Variants in LRP2 observed in about 807,000 individuals in gnomAD.
The protein encoded by LRP2 is low-density lipoprotein receptor-related protein 2.
LRP2 carries 172 observed loss-of-function variants against 531.0 expected under a neutral mutation model. The ratio of observed to expected loss-of-function variants is 0.32; its 90% confidence interval spans 0.29 to 0.37. The LOEUF (loss-of-function observed/expected upper bound fraction) is 0.37, where lower values mean the gene tolerates loss of function less well. LRP2 is among the 10% of genes least tolerant of loss of function. The pLI, the probability that LRP2 is intolerant of heterozygous loss-of-function variation, is 1.00. For missense variants in LRP2, 5,167 were observed against 5,868.3 expected (o/e 0.88, Z 3.90); for synonymous variants, 1,992 against 2,027.6 (o/e 0.98, Z 0.47).
intron 15 of LRP2, among the ~76,000 whole-genome samples, chr2:169,272,369 A>G (rs944667690): frequency 4.6e-5 from 7 of 152,294 alleles, no homozygotes; most frequent in Non-Finnish European, 8.8e-5. Flanking sequence ...TTGAACTGAA[A>G]GGTGAAAAAC....
Position 169,206,584 on chromosome 2 carries a change from C to T in LRP2, c.7136G>A (p.Gly2379Asp), listed in dbSNP as rs754795839. ...TTCTGTTGAAATGGCACAATTCTTG[C>T]CATCACTTTGCAGGGTCCCAAAGGC... ...DCAFGTLQSD[G>D]KNCAISTENF... Residue 2379 changes from glycine (G) to aspartate (D), a missense_variant, in exon 39 of 79, where the codon GGC (glycine) becomes GAC (aspartate). Physicochemically the swap from Gly to Asp is moderately conservative, Grantham distance 94. Around this residue, in one of 6 missense-constraint regions of LRP2, gnomAD observed 2,811 missense variants for 3,058.0 expected, o/e 0.92. Transcript: ENST00000649046. 6.2e-7 allele frequency: 1 copy of T among 1,614,120 alleles called. No individual in the cohort carries two copies. The highest frequency in any genetic ancestry group is 1.7e-5 in the Admixed American group (1 of 60,000).
intron 49 of LRP2, among the ~76,000 whole-genome samples, chr2:169,187,475 T>C (rs529439077): frequency 6.6e-5 from 10 of 152,330 alleles, no homozygotes; most frequent in Admixed American, 3.3e-4. Context: ...CTGCCAATAT[T>C]ATGGAGTTCA....
chr2:169,142,608 T>C (rs569623164), intron 71 of LRP2, 66 bp downstream of exon 71: 41 of 1,606,144 alleles, frequency 2.6e-5, no homozygotes, highest in Admixed American at 8.4e-5. Context: ...CAGGGATTCT[T>C]CTGACTCCTG....
chr2:169,244,952 G>A lies in LRP2; in HGVS notation c.3191-20C>T. 1 of 1,614,024 alleles carries A rather than the reference G, an allele frequency of 6.2e-7. No individual in the cohort carries two copies. Among genetic ancestry groups the A allele is most frequent in the Non-Finnish European group, 8.5e-7 (1 of 1,179,930 alleles). On this transcript the variant is annotated intron_variant, in intron 21 of 78. Transcript: ENST00000649046. The stretch of plus-strand genomic sequence containing the variant: ...TATTATCTACAATAGTAACAAACTG[G>A]TCATGAAGACATTTGTTTTTACAGC...
chr2:169,271,642 CACACACACACACAG>C (rs767685222), intron 15 of LRP2: 2 of 201,208 alleles, frequency 9.9e-6, no homozygotes, highest in Non-Finnish European at 1.4e-5. Context: ...CACACACACA[CACACACACACACAG>C]AAACCTTTCT....
intron 34 of LRP2, among the ~76,000 whole-genome samples, chr2:169,217,425 C>T (rs1480414918): frequency 6.6e-6 from 1 of 152,128 alleles, no homozygotes; most frequent in Non-Finnish European, 1.5e-5. Flanking sequence ...TTAACTTTTC[C>T]TATTAAACTT....
chr2:169,271,784 A>T, intron 15 of LRP2: 1 of 526,942 alleles, frequency 1.9e-6, no homozygotes, highest in Non-Finnish European at 2.4e-6. Flanking sequence ...AGAACCTTAC[A>T]GTAGATACCA....
At chr2:169,230,172 A>G (rs145690128) in intron 31 of LRP2, among the ~76,000 whole-genome samples, 2 of 152,320 alleles carry the variant, frequency 1.3e-5, no homozygotes, top group Non-Finnish European at 2.9e-5. Flanking sequence ...CCAACCCCCA[A>G]TGTGCAATTC....
chr2:169,337,653 T>G, intron 1 of LRP2, among the ~76,000 whole-genome samples: 1 of 152,232 alleles, frequency 6.6e-6, no homozygotes, highest in East Asian at 1.9e-4. Context: ...CTGTTTAAAC[T>G]GAAAGCCCTT....
chr2:169,158,075 C>T (rs1035353246), intron 63 of LRP2, among the ~76,000 whole-genome samples: 7 of 150,756 alleles, frequency 4.6e-5, no homozygotes, highest in African/African-American at 1.7e-4. Flanking sequence ...CACACACACA[C>T]ACACACACAC....
At chr2:169,218,855 C>T (rs547784032) in intron 34 of LRP2, among the ~76,000 whole-genome samples, 2 of 152,308 alleles carry the variant, frequency 1.3e-5, no homozygotes, top group South Asian at 4.1e-4. Flanking sequence ...GATGGCAGAG[C>T]ATCCATCAGC....
chr2:169,153,060 C>A, intron 66 of LRP2, 96 bp from the exon 67 acceptor site: 1 of 1,031,754 alleles, frequency 9.7e-7, no homozygotes, highest in Non-Finnish European at 1.5e-6. Flanking sequence ...CGTTTATTGA[C>A]ATCTCTACCT....
chr2:169,162,735 G>C (rs1057409508), intron 62 of LRP2, 135 bp from the exon 63 acceptor site: 21 of 924,234 alleles, frequency 2.3e-5, no homozygotes, highest in Non-Finnish European at 3.4e-5. Context: ...CTTGCAGCTG[G>C]GTTAGGACCA....
At chr2:169,183,339 A>G (rs1687509489) in intron 50 of LRP2, among the ~76,000 whole-genome samples, 1 of 152,214 alleles carries the variant, frequency 6.6e-6, no homozygotes, top group Non-Finnish European at 1.5e-5. Context: ...ACTTGGGTAA[A>G]TGAGTAAATC....
At position 169,246,979 on chromosome 2, in the gene LRP2, G is replaced by A. The variant is rs142290901; in HGVS notation, c.2916C>T (p.Asn972=). Residue 972 remains asparagine, a synonymous_variant, in exon 21 of 79, where the codon AAC becomes AAT. Transcript: ENST00000649046. ...TAGGATGCGTGGGTTGATTACAGGC[G>A]TTAGAACCTGCAAAAGCAAAGCCCC... ...SYDVNIQTGS[N]ACNQPTHPNG... is the part of the protein sequence containing the mutation. The A allele has an allele frequency of 5.6e-5, 90 of 1,613,888 alleles. No individual in the cohort carries two copies. The highest frequency in any genetic ancestry group is 4.9e-4 in the East Asian group (22 of 44,902).
chr2:169,193,798 A>G lies in LRP2; in HGVS notation c.8793T>C (p.Cys2931=). 1 of 1,614,132 alleles carries G rather than the reference A, an allele frequency of 6.2e-7. No individual in the cohort carries two copies. The highest frequency in any genetic ancestry group is 1.6e-4 in the Middle Eastern group (1 of 6,062). The part of the protein sequence containing the change: ...SEWICDGDND[C]GDMSDEDKRH... ...TTTTATCCTCGTCACTCATATCCCC[A>G]CAGTCATTATCACCGTCACAGATCC... The change falls in exon 47 of 79, where the codon TGT becomes TGC. Residue 2931 remains cysteine, a synonymous_variant. Coordinates refer to ENST00000649046, the MANE Select transcript of LRP2 (RefSeq NM_004525.3).
In LRP2 at chr2:169,291,415, C is replaced by T. The variant is rs116173277; in HGVS notation, c.770-418G>A. ...CTTTGTTTATTTAGTGAAATGTCAA[C>T]AGTATAAGAAAAACCATAACCCAAA... On this transcript the variant is annotated intron_variant, in intron 7 of 78. Coordinates refer to ENST00000649046, the MANE Select transcript of LRP2 (RefSeq NM_004525.3). Among the ~76,000 whole-genome samples the T allele has an allele frequency of 1.8e-3, 274 of 152,272 alleles. 2 individuals carry two copies. Among genetic ancestry groups the T allele is most frequent in the African/African-American group, 6.3e-3 (262 of 41,556 alleles).
chr2:169,182,600 A>T (rs1032999163), intron 50 of LRP2: 55 of 1,312,994 alleles, frequency 4.2e-5, no homozygotes, highest in Non-Finnish European at 7.8e-6. Context: ...TACTTTCCTC[A>T]TGCAGCATAA....
In LRP2 at chr2:169,181,536, A is replaced by G. The variant is rs2105294534; in HGVS notation, c.10081T>C (p.Ser3361Pro). The change falls in exon 52 of 79, where the codon TCC becomes CCC. Residue 3361 changes from serine to proline, a missense_variant. Physicochemically the swap from Ser to Pro is moderately conservative, Grantham distance 74. Coordinates refer to ENST00000649046, the MANE Select transcript of LRP2 (RefSeq NM_004525.3). ...MDGTNKSVII[S>P]TKLEWPNGIT... is the part of the protein sequence containing the mutation. ...CCATTAGGCCACTCTAACTTGGTGG[A>G]GATTATCACAGACTTGTTGGTTCCA... 1.2e-6 allele frequency: 2 copies of G among 1,614,158 alleles called. No individual in the cohort carries two copies. Among genetic ancestry groups the G allele is most frequent in the Non-Finnish European group, 1.7e-6 (2 of 1,180,012 alleles).
Sources: gnomAD v4.1 joint callset for allele counts (sites outside exome capture counted in the v4.1 genomes callset) on GRCh38, gnomAD v4.1.1 for gene constraint, gnomAD v4.1.1 regional missense constraint, MANE v1.5 for transcripts, NCBI Gene and HGNC (gene_info 2026-07-23, HGNC 2026-07-21) for gene names.